The following EAF2 variants were observed in gnomAD, a reference collection of about 807,000 sequenced individuals.
EAF2 encodes the protein ELL associated factor 2.
In EAF2, 29 loss-of-function variants were observed where a neutral mutation model predicts 29.4. The observed-to-expected ratio is 0.99, with a 90% CI of 0.73 to 1.35. The LOEUF is 1.35. Among genes scored for constraint, EAF2 ranks in the 40% most tolerant of loss-of-function variants. The pLI is 0.00. For synonymous variants in EAF2, 103 were observed against 102.5 expected, an observed-to-expected ratio of 1.00 and a Z score of -0.03; for missense variants, 292 against 312.0, an observed-to-expected ratio of 0.94 and a Z score of 0.48.
At chr3:121,872,419 T>C in intron 4 of EAF2, 118 bp from the exon 5 acceptor site, 1 of 782,288 alleles carries the variant, frequency 1.3e-6, no homozygotes, top group Non-Finnish European at 1.9e-6. Flanking sequence ...TCAAGTACTG[T>C]AAATGTATGT....
intron 1 of EAF2, chr3:121,837,793 A>G (rs565250190): frequency 6.6e-6 from 1 of 152,344 alleles, no homozygotes; most frequent in Non-Finnish European, 1.5e-5. Context: ...GGCATGTGGT[A>G]GGAAGGGCAT....
Position 121,835,399 on chromosome 3 carries a change from A to T in EAF2, c.106+8A>T. On this transcript the variant is annotated splice_region_variant and intron_variant, in intron 1 of 5. Transcript: ENST00000273668. ...CCTTCCACACTGTGCGCTGTGAGTGAGGACCATCCGGGGATAGAGGGGGAG... is the reference window on the plus strand; with the variant it reads ...CCTTCCACACTGTGCGCTGTGAGTGTGGACCATCCGGGGATAGAGGGGGAG... The T allele has an allele frequency of 6.2e-7, 1 of 1,613,098 alleles. No individual in the cohort carries two copies. Among genetic ancestry groups the T allele is most frequent in the South Asian group, 1.1e-5 (1 of 91,044 alleles).
chr3:121,846,155 T>C (rs1371015586), intron 2 of EAF2, among the ~76,000 whole-genome samples: 1 of 152,196 alleles, frequency 6.6e-6, no homozygotes, highest in Non-Finnish European at 1.5e-5. Flanking sequence ...GTTATACATA[T>C]AGCAAGTAAA....
intron 4 of EAF2, among the ~76,000 whole-genome samples, chr3:121,863,578 G>A (rs776725737): frequency 6.6e-6 from 1 of 152,098 alleles, no homozygotes; most frequent in African/African-American, 2.4e-5. Flanking sequence ...GGAGTGTCAC[G>A]ATTTTCCAGG....
chr3:121,876,312 G>C (rs1028228966), intron 5 of EAF2, among the ~76,000 whole-genome samples: 1 of 151,772 alleles, frequency 6.6e-6, no homozygotes, highest in Non-Finnish European at 1.5e-5. Context: ...TCATTCAAGA[G>C]TAAAATAATT....
intron 2 of EAF2, among the ~76,000 whole-genome samples, chr3:121,848,358 GTAAT>G (rs944340093): frequency 1.3e-5 from 2 of 152,134 alleles, no homozygotes; most frequent in Non-Finnish European, 2.9e-5. Context: ...AGTACATTAA[GTAAT>G]TCAATGGAAA....
chr3:121,859,875 G>A (rs1008241042), intron 4 of EAF2, among the ~76,000 whole-genome samples: 20 of 152,144 alleles, frequency 1.3e-4, no homozygotes, highest in Non-Finnish European at 2.6e-4. Context: ...AGAGTTTTTA[G>A]CATGAAGGGC....
At chr3:121,872,914 AC>A (rs1576654902) in intron 5 of EAF2, 126 bp downstream of exon 5, 2 of 1,326,092 alleles carry the variant, frequency 1.5e-6, no homozygotes, top group East Asian at 5.0e-5. Flanking sequence ...ATTAATAATT[AC>A]ATTTTTATTG....
chr3:121,837,841 C>T (rs1305577752), intron 1 of EAF2: 3 of 152,172 alleles, frequency 2.0e-5, no homozygotes. Context: ...TGCTTAGCAA[C>T]AGGTGCTTTA....
chr3:121,847,580 G>C (rs866557321), intron 2 of EAF2, among the ~76,000 whole-genome samples: 5 of 152,120 alleles, frequency 3.3e-5, no homozygotes, highest in Middle Eastern at 3.4e-3. Flanking sequence ...ATTGATAAAG[G>C]GTCTATTATA....
intron 4 of EAF2, among the ~76,000 whole-genome samples, chr3:121,860,487 T>C (rs978982161): frequency 2.0e-5 from 3 of 152,336 alleles, no homozygotes; most frequent in South Asian, 4.1e-4. Flanking sequence ...CTGATGGTAG[T>C]TTGTATTTCT....
chr3:121,850,737 C>A (rs1708618312), intron 2 of EAF2, among the ~76,000 whole-genome samples: 1 of 152,150 alleles, frequency 6.6e-6, no homozygotes, highest in Non-Finnish European at 1.5e-5. Flanking sequence ...CACTCTGTCA[C>A]CCAGGCTGGA....
At chr3:121,847,474 A>G (rs1211935955) in intron 2 of EAF2, among the ~76,000 whole-genome samples, 1 of 152,240 alleles carries the variant, frequency 6.6e-6, no homozygotes, top group African/African-American at 2.4e-5. Flanking sequence ...GCCTAGTGGC[A>G]TATATGTAGT....
At chr3:121,883,235 C>T (rs1331684598) in intron 5 of EAF2, among the ~76,000 whole-genome samples, 1 of 152,044 alleles carries the variant, frequency 6.6e-6, no homozygotes, top group Non-Finnish European at 1.5e-5. Flanking sequence ...GAAATAAGGA[C>T]TAGAAAAGTA....
chr3:121,841,290 G>T (rs1221787220), intron 1 of EAF2, among the ~76,000 whole-genome samples: 2 of 151,504 alleles, frequency 1.3e-5, no homozygotes, highest in Non-Finnish European at 2.9e-5. Context: ...TATCACCTGA[G>T]GTCGGGAGTT....
intron 1 of EAF2, among the ~76,000 whole-genome samples, chr3:121,838,482 A>C (rs1457298628): frequency 6.6e-6 from 1 of 152,192 alleles, no homozygotes; most frequent in African/African-American, 2.4e-5. Context: ...GTGTGAGGAC[A>C]AAAGACAACA....
intron 4 of EAF2, among the ~76,000 whole-genome samples, chr3:121,861,933 T>C (rs1708840476): frequency 6.6e-6 from 1 of 152,206 alleles, no homozygotes; most frequent in Non-Finnish European, 1.5e-5. Flanking sequence ...CTTATGAAGC[T>C]TAGTGTGGCT....
intron 4 of EAF2, among the ~76,000 whole-genome samples, chr3:121,862,407 C>T (rs1481492984): frequency 1.3e-5 from 2 of 152,252 alleles, no homozygotes; most frequent in East Asian, 3.9e-4. Flanking sequence ...CTTCTCACTT[C>T]ATTTCATTCA....
intron 5 of EAF2, among the ~76,000 whole-genome samples, chr3:121,884,431 A>AT (rs1171339828): frequency 6.7e-5 from 10 of 149,754 alleles, no homozygotes; most frequent in Non-Finnish European, 1.2e-4. Flanking sequence ...TTATTTATTT[A>AT]TTTATTTTTT....
Sources: allele counts gnomAD v4.1 joint callset (sites outside exome capture counted in the v4.1 genomes callset), GRCh38; gene constraint gnomAD v4.1.1; transcripts MANE v1.5; gene names NCBI Gene and HGNC (gene_info 2026-07-23, HGNC 2026-07-21).